Variants in NFATC1 observed in about 807,000 individuals in gnomAD.
The protein encoded by NFATC1 is nuclear factor of activated T-cells, cytoplasmic 1.
In NFATC1, 22 loss-of-function variants were observed where a neutral mutation model predicts 76.0. The ratio of observed to expected loss-of-function variants is 0.29; its 90% CI spans 0.21 to 0.41. NFATC1 has a LOEUF of 0.41. Ranked by LOEUF, NFATC1 falls within the 10% of genes least tolerant of loss-of-function variation. NFATC1 has a pLI of 1.00. For missense variants in NFATC1, 1,357 were observed against 1,337.7 expected, an observed-to-expected ratio of 1.01 and a Z score of -0.23; for synonymous variants, 704 against 613.1, an observed-to-expected ratio of 1.15 and a Z score of -2.19.
intron 9 of NFATC1, among the ~76,000 whole-genome samples, chr18:79,523,773 A>G (rs1161819434): frequency 6.6e-6 from 1 of 152,144 alleles, no homozygotes; most frequent in East Asian, 1.9e-4. Context: ...AATAGTTTCC[A>G]CCTGAGGAGT....
intron 9 of NFATC1, among the ~76,000 whole-genome samples, chr18:79,509,611 G>C (rs910911730): frequency 6.6e-6 from 1 of 152,258 alleles, no homozygotes; most frequent in Non-Finnish European, 1.5e-5. Flanking sequence ...TTTCTTTTAA[G>C]CAGTTTTGAC....
intron 2 of NFATC1, among the ~76,000 whole-genome samples, chr18:79,412,493 C>G (rs1223076839): frequency 1.3e-5 from 2 of 150,782 alleles, no homozygotes; most frequent in East Asian, 3.9e-4. Flanking sequence ...AGCGAGCACT[C>G]AGGGGGCGAG....
chr18:79,454,627 C>T (rs963389982), intron 6 of NFATC1, among the ~76,000 whole-genome samples: 10 of 152,186 alleles, frequency 6.6e-5, no homozygotes, highest in South Asian at 6.2e-4. Flanking sequence ...TGTCTCAGGG[C>T]GGCGCAAAAG....
chr18:79,522,425 T>C (rs1377244801), intron 9 of NFATC1, among the ~76,000 whole-genome samples: 1 of 102,446 alleles, frequency 9.8e-6, no homozygotes, highest in African/African-American at 4.0e-5. Context: ...GGACGTCTGC[T>C]GGTGTGTGTG....
chr18:79,480,604 G>T (rs1227612491), intron 8 of NFATC1, among the ~76,000 whole-genome samples: 1 of 152,142 alleles, frequency 6.6e-6, no homozygotes, highest in Non-Finnish European at 1.5e-5. Context: ...GTTAATGCCG[G>T]TACCACCGCG....
chr18:79,425,041 C>T (rs1045185437), intron 2 of NFATC1, among the ~76,000 whole-genome samples: 1 of 147,896 alleles, frequency 6.8e-6, no homozygotes, highest in Non-Finnish European at 1.5e-5. Context: ...CTCCATCTCT[C>T]TCTCCGTCTC....
At chr18:79,400,360 C>A (rs1468890188) in intron 1 of NFATC1, 1 of 1,391,966 alleles carries the variant, frequency 7.2e-7, no homozygotes, top group Non-Finnish European at 9.4e-7. Flanking sequence ...GCCGCGACCC[C>A]GGCTCCCGCC....
chr18:79,523,276 C>A (rs1443062929), intron 9 of NFATC1, among the ~76,000 whole-genome samples: 2 of 152,120 alleles, frequency 1.3e-5, no homozygotes, highest in African/African-American at 4.8e-5. Flanking sequence ...AGCAAGGGGG[C>A]AAAATATATC....
At chr18:79,480,439 C>A (rs957873455) in intron 8 of NFATC1, among the ~76,000 whole-genome samples, 8 of 152,036 alleles carry the variant, frequency 5.3e-5, no homozygotes, top group African/African-American at 1.9e-4. Flanking sequence ...GCTCCGAACC[C>A]GCAGGGCAAG....
At chr18:79,404,397 G>A (rs764831344) in intron 1 of NFATC1, among the ~76,000 whole-genome samples, 2 of 152,260 alleles carry the variant, frequency 1.3e-5, no homozygotes, top group Admixed American at 6.5e-5. Context: ...GCCTGACCAC[G>A]TCCCGGTGCC....
At chr18:79,510,305 TTAGGAATTACTTTAGGGC>T (rs2090213726) in intron 9 of NFATC1, among the ~76,000 whole-genome samples, 1 of 152,078 alleles carries the variant, frequency 6.6e-6, no homozygotes, top group South Asian at 2.1e-4. Flanking sequence ...GAGTGAGTAT[TTAGGAATTACTTTAGGGC>T]TAAAAAAAAA....
chr18:79,458,546 G>A (rs577404409), intron 6 of NFATC1, among the ~76,000 whole-genome samples: 57 of 152,360 alleles, frequency 3.7e-4, no homozygotes, highest in Non-Finnish European at 6.0e-4. Flanking sequence ...TGGAAACCTC[G>A]CGGGTGTGGC....
chr18:79,399,753 G>A (rs1315285515), intron 1 of NFATC1, among the ~76,000 whole-genome samples: 1 of 152,000 alleles, frequency 6.6e-6, no homozygotes, highest in Non-Finnish European at 1.5e-5. Flanking sequence ...GTGGGTGCCG[G>A]GCCTCCTGCA....
intron 2 of NFATC1, among the ~76,000 whole-genome samples, chr18:79,413,345 C>T (rs1015450636): frequency 1.3e-5 from 2 of 152,168 alleles, no homozygotes; most frequent in African/African-American, 4.8e-5. Context: ...AAGGTTTTCT[C>T]GCGGGGTCCT....
At chr18:79,517,763 T>C (rs554138407) in intron 9 of NFATC1, among the ~76,000 whole-genome samples, 1 of 152,236 alleles carries the variant, frequency 6.6e-6, no homozygotes, top group African/African-American at 2.4e-5. Flanking sequence ...ATAGCACAAT[T>C]GGTTGTTGAT....
At chr18:79,397,890 C>T (rs1292434441) in intron 1 of NFATC1, among the ~76,000 whole-genome samples, 6 of 152,212 alleles carry the variant, frequency 3.9e-5, no homozygotes, top group Admixed American at 3.9e-4. Flanking sequence ...AGGCAGTGCG[C>T]CGGGCAGCGA....
intron 2 of NFATC1, among the ~76,000 whole-genome samples, chr18:79,411,836 C>T (rs1237948457): frequency 1.3e-5 from 2 of 152,254 alleles, no homozygotes; most frequent in Non-Finnish European, 2.9e-5. Flanking sequence ...TGCTGGCGGT[C>T]AGGGCTTCCA....
intron 1 of NFATC1, among the ~76,000 whole-genome samples, chr18:79,407,941 T>A (rs1280707245): frequency 1.3e-5 from 2 of 152,176 alleles, no homozygotes; most frequent in Non-Finnish European, 2.9e-5. Flanking sequence ...CTCCCACCCC[T>A]GAGAGCTTCT....
Position 79,469,869 on chromosome 18 carries a change from GC to G in NFATC1, c.2092+2288del, listed in dbSNP as rs1010770961. The stretch of plus-strand genomic sequence containing the variant: ...CCTGTCACCCCACCTGGTCCTGGGG[GC>G]TGCGACCGCAACCTGCACCAGACTG... On this transcript the variant is annotated intron_variant, in intron 8 of 9. Transcript: ENST00000427363. The G allele has an allele frequency of 1.9e-4, 184 of 985,500 alleles. 3 individuals carry two copies. The South Asian group carries it at 3.9e-3, about 21-fold the overall frequency. 61.0% of individuals were successfully genotyped at this position (985,500 alleles called of 1,614,324 possible).
Sources: gnomAD v4.1 joint callset for allele counts (sites outside exome capture counted in the v4.1 genomes callset) on GRCh38, gnomAD v4.1.1 for gene constraint, MANE v1.5 for transcripts, NCBI Gene and HGNC (gene_info 2026-07-23, HGNC 2026-07-21) for gene names.